Variants in DHX37 observed in about 807,000 individuals in gnomAD.
DHX37 encodes the protein probable ATP-dependent RNA helicase DHX37.
DHX37 carries 52 observed loss-of-function variants against 134.3 expected under a neutral mutation model. The observed-to-expected ratio is 0.39, with a 90% CI of 0.31 to 0.49. The LOEUF (loss-of-function observed/expected upper bound fraction) is 0.49, where lower values mean the gene tolerates loss of function less well. Ranked by LOEUF, DHX37 falls within the 20% of genes least tolerant of loss-of-function variation. The probability of loss-of-function intolerance (pLI) is 0.93; values close to 1 mark genes in which losing one functional copy is unlikely to be tolerated. For synonymous variants in DHX37, 634 were observed against 670.7 expected, an observed-to-expected ratio of 0.95 and a Z score of 0.85; for missense variants, 1,344 against 1,580.8, an observed-to-expected ratio of 0.85 and a Z score of 2.54.
chr12:124,952,376 A>G (rs1004971672), intron 21 of DHX37, 22 bp downstream of exon 21: 2 of 1,593,382 alleles, frequency 1.3e-6, no homozygotes, highest in Non-Finnish European at 1.7e-6. Flanking sequence ...CTACCCGGGC[A>G]GGGAGGCGGT....
intron 15 of DHX37, among the ~76,000 whole-genome samples, chr12:124,963,243 A>AGAC (rs1480177132): frequency 6.6e-6 from 1 of 152,260 alleles, no homozygotes; most frequent in African/African-American, 2.4e-5. Flanking sequence ...GGCAGAGGCC[A>AGAC]GACACGAGGG....
chr12:124,970,436 C>T (rs546152764), intron 8 of DHX37, among the ~76,000 whole-genome samples: 29 of 152,298 alleles, frequency 1.9e-4, no homozygotes, highest in African/African-American at 7.0e-4. Flanking sequence ...AGAAAAAAGG[C>T]ACCAGGCAGA....
At position 124,952,390 on chromosome 12, in the gene DHX37, G is replaced by A; in HGVS notation, c.2868+8C>T. 6.2e-7 allele frequency: 1 copy of A among 1,603,492 alleles called. No individual in the cohort carries two copies. Among genetic ancestry groups the A allele is most frequent in the Non-Finnish European group, 8.5e-7 (1 of 1,177,572 alleles). On this transcript the variant is annotated splice_region_variant and intron_variant, in intron 21 of 26. Coordinates refer to ENST00000308736, the MANE Select transcript of DHX37 (RefSeq NM_032656.4). The stretch of plus-strand genomic sequence containing the variant: ...GCTACCCGGGCAGGGAGGCGGTGGG[G>A]GCCGCACCTTGTAGGCGTTCCTCCA...
intron 10 of DHX37, among the ~76,000 whole-genome samples, 190 bp downstream of exon 10, chr12:124,968,344 C>A (rs1424832739): frequency 6.6e-6 from 1 of 152,126 alleles, no homozygotes; most frequent in Non-Finnish European, 1.5e-5. Context: ...GCTGCTGAAG[C>A]CTCATAGTAT....
At chr12:124,975,156 C>G (rs1051805687) in intron 6 of DHX37, among the ~76,000 whole-genome samples, 1 of 152,182 alleles carries the variant, frequency 6.6e-6, no homozygotes, top group Admixed American at 6.5e-5. Flanking sequence ...CTGCATCTGG[C>G]CCCCTGCTCT....
intron 16 of DHX37, among the ~76,000 whole-genome samples, chr12:124,958,217 G>A (rs1954142631): frequency 6.6e-6 from 1 of 152,246 alleles, no homozygotes; most frequent in Admixed American, 6.5e-5. Flanking sequence ...GGGTGACTGT[G>A]TGGTGCCTGA....
At position 124,965,564 on chromosome 12, in the gene DHX37, C is replaced by G; in HGVS notation, c.1735+104G>C. On this transcript the variant is annotated intron_variant, in intron 13 of 26. Transcript: ENST00000308736. ...TCAAGAACTCAGGAAGCATCGGGGA[C>G]AAAGCTGCTAGAACCCCGGCCCCCG... 5 of 1,453,824 alleles carry G rather than the reference C, an allele frequency of 3.4e-6. No individual in the cohort carries two copies. In the South Asian group the frequency reaches 7.9e-5, roughly 23 times the overall value. The allele number at this position is 1,453,824 out of a possible 1,614,324, so 90.1% of individuals were successfully genotyped here.
rs779549498 is a variant in DHX37, at chr12:124,950,456, G to A, written c.3078C>T (p.Cys1026=). The change falls in exon 23 of 27, where the codon TGC becomes TGT. Residue 1026 remains cysteine, a synonymous_variant. Coordinates refer to ENST00000308736, the MANE Select transcript of DHX37 (RefSeq NM_032656.4). ...GACACAGCACCCGCCCCCGCTCGGGGCAGTATGTAGGGGCTGGTTCCTCCA... is the reference window on the plus strand; with the variant it reads ...GACACAGCACCCGCCCCCGCTCGGGACAGTATGTAGGGGCTGGTTCCTCCA... ...KPLEEPAPTY[C]PERGRVLCHR... 166 of 1,589,654 alleles carry A rather than the reference G, an allele frequency of 1.0e-4. No individual in the cohort carries two copies. Among genetic ancestry groups the A allele is most frequent in the Non-Finnish European group, 1.3e-4 (151 of 1,167,652 alleles).
intron 3 of DHX37, among the ~76,000 whole-genome samples, chr12:124,981,716 T>C (rs1481732387): frequency 6.6e-6 from 1 of 151,500 alleles, no homozygotes; most frequent in African/African-American, 2.4e-5. Context: ...ATTACAGGTA[T>C]GAGCCACGGC....
chr12:124,956,075 A>T (rs1218111691), intron 18 of DHX37, among the ~76,000 whole-genome samples: 5 of 152,258 alleles, frequency 3.3e-5, no homozygotes, highest in African/African-American at 1.2e-4. Flanking sequence ...CCCTAAGGGA[A>T]GCAGCAGGCT....
chr12:124,968,462 C>T, intron 10 of DHX37, 72 bp downstream of exon 10: 3 of 1,585,912 alleles, frequency 1.9e-6, no homozygotes, highest in Non-Finnish European at 2.6e-6. Context: ...GAGATGGGCC[C>T]TCCCACACTC....
At chr12:124,947,975 G>A (rs775544466) in intron 26 of DHX37, 88 bp from the exon 27 acceptor site, 1 of 1,612,478 alleles carries the variant, frequency 6.2e-7, no homozygotes, top group Admixed American at 1.7e-5. Context: ...AGCAGCCGTG[G>A]GGCCAGATCC....
intron 21 of DHX37, 58 bp from the exon 22 acceptor site, chr12:124,950,862 T>A: frequency 6.6e-7 from 1 of 1,512,926 alleles, no homozygotes; most frequent in Non-Finnish European, 8.8e-7. Context: ...GGGCTCCGCA[T>A]ACTTTCAACC....
chr12:124,953,860 G>A lies in DHX37; in HGVS notation c.2695+20C>T, dbSNP rs774897800. On this transcript the variant is annotated intron_variant, in intron 20 of 26. Transcript: ENST00000308736. Reference sequence around the variant, plus strand: ...CAGGTTGCCCGCCGGGTGCAGCGGCGTGCCGGCACGGGGCCGTACCTGCGG... The same window carrying A: ...CAGGTTGCCCGCCGGGTGCAGCGGCATGCCGGCACGGGGCCGTACCTGCGG... The A allele has an allele frequency of 2.5e-6, 4 of 1,606,414 alleles. No individual in the cohort carries two copies. Among genetic ancestry groups the A allele is most frequent in the East Asian group, 2.2e-5 (1 of 44,664 alleles).
intron 16 of DHX37, among the ~76,000 whole-genome samples, chr12:124,959,702 C>A (rs1360943890): frequency 1.3e-5 from 2 of 152,214 alleles, no homozygotes; most frequent in Admixed American, 6.5e-5. Context: ...CCCTGATGAT[C>A]TCAAGTATCT....
chr12:124,955,278 A>G (rs1253967487), intron 18 of DHX37, among the ~76,000 whole-genome samples: 1 of 152,216 alleles, frequency 6.6e-6, no homozygotes, highest in African/African-American at 2.4e-5. Flanking sequence ...TGAGGGCCCA[A>G]GTAGGCAGAG....
At chr12:124,978,337 GAC>G (rs900287667) in intron 4 of DHX37, among the ~76,000 whole-genome samples, 14 of 151,092 alleles carry the variant, frequency 9.3e-5, no homozygotes, top group Admixed American at 3.3e-4. Flanking sequence ...TACTTTTTGA[GAC>G]AGAGTTTCAC....
intron 10 of DHX37, 41 bp downstream of exon 10, chr12:124,968,493 G>C (rs758977249): frequency 1.2e-6 from 2 of 1,605,238 alleles, no homozygotes; most frequent in South Asian, 1.1e-5. Flanking sequence ...CGAGGGTTTA[G>C]GAAGGGAGGC....
chr12:124,975,974 G>C (rs537037172), intron 5 of DHX37, among the ~76,000 whole-genome samples: 3 of 152,238 alleles, frequency 2.0e-5, no homozygotes, highest in African/African-American at 4.8e-5. Flanking sequence ...CTGTAAGTGC[G>C]GGGCCCACTG....
Sources: allele counts gnomAD v4.1 joint callset (sites outside exome capture counted in the v4.1 genomes callset), GRCh38; gene constraint gnomAD v4.1.1; transcripts MANE v1.5; gene names NCBI Gene and HGNC (gene_info 2026-07-23, HGNC 2026-07-21).